Variants in SCN4A observed in about 807,000 individuals in gnomAD.
The protein encoded by SCN4A is sodium voltage-gated channel alpha subunit 4.
A neutral mutation model predicts 162.0 loss-of-function variants in SCN4A; 83 were observed. That is an observed-to-expected ratio of 0.51 (90% confidence interval 0.43 to 0.61). The LOEUF (loss-of-function observed/expected upper bound fraction) is 0.61. Among genes scored for constraint, SCN4A ranks in the 20% least tolerant of loss-of-function variants. SCN4A has a pLI of 0.00. For missense variants in SCN4A, 2,196 were observed against 2,462.5 expected (o/e 0.89, Z 2.29); for synonymous variants, 944 against 985.1 (o/e 0.96, Z 0.78).
intron 7 of SCN4A, 21 bp downstream of exon 7, chr17:63,966,460 G>C (rs751664539): frequency 1.2e-6 from 2 of 1,610,534 alleles, no homozygotes; most frequent in Admixed American, 1.7e-5. Context: ...TGCCTTTTCT[G>C]CATCCCTTAG....
chr17:63,972,679 G>T lies in SCN4A; in HGVS notation c.163C>A (p.Arg55=), dbSNP rs754070476. The part of the protein sequence containing the change: ...MEIEEPERKP[R]SDLEAGKNLP... ...TTCTTGCCAGCCTCCAAGTCACTTC[G>T]TGGCTTCCGTTCGGGCTCCTCAATC... The change falls in exon 1 of 24, where the codon CGA becomes AGA. Residue 55 remains arginine (R), a synonymous_variant. Coordinates refer to ENST00000435607, the MANE Select transcript of SCN4A (RefSeq NM_000334.4). This position sits in a 1 kb window ranked among gnomAD's most constrained non-coding sequence, Gnocchi z 4.3. 4.3e-6 allele frequency: 7 copies of T among 1,613,616 alleles called. No homozygotes were observed. Among genetic ancestry groups the T allele is most frequent in the South Asian group, 2.2e-5 (2 of 91,002 alleles).
Position 63,947,171 on chromosome 17 carries a change from CA to C in SCN4A, c.3319-5del. The C allele has an allele frequency of 6.2e-7, 1 of 1,613,142 alleles. No homozygotes were observed. The highest frequency in any genetic ancestry group is 8.5e-7 in the Non-Finnish European group (1 of 1,179,780). On this transcript the variant is annotated splice_polypyrimidine_tract_variant and splice_region_variant and intron_variant, in intron 17 of 23. Coordinates refer to ENST00000435607, the MANE Select transcript of SCN4A (RefSeq NM_000334.4). ...CCACCAAGCTGATGATGGAGACCTG[CA>C]GGGGAGGGGTGAGGGGATCAGTGCG... is the stretch of plus-strand genomic sequence containing the variant.
At chr17:63,964,723 C>A in intron 8 of SCN4A, 46 bp from the exon 9 acceptor site, 1 of 1,466,088 alleles carries the variant, frequency 6.8e-7, no homozygotes, top group Non-Finnish European at 9.4e-7. Context: ...TGACGTCCAC[C>A]TCCTTTGACC....
intron 5 of SCN4A, among the ~76,000 whole-genome samples, chr17:63,969,057 G>T (rs1909541055): frequency 6.6e-6 from 1 of 152,082 alleles, no homozygotes; most frequent in Non-Finnish European, 1.5e-5. Flanking sequence ...TGGACAGGCT[G>T]GTCTCGAACT....
rs1391865078 is a variant in SCN4A at position 63,947,128 on chromosome 17, A to G, written c.3358T>C (p.Ser1120Pro). 2.5e-6 allele frequency: 4 copies of G among 1,613,180 alleles called. No individual in the cohort carries two copies. The Admixed American group carries it at 6.7e-5, about 27-fold the overall frequency. Residue 1120 changes from serine (S) to proline (P), a missense_variant, in exon 18 of 24, where the codon TCG becomes CCG. Transcript: ENST00000435607. The part of the protein sequence containing the change: ...ISLVANWLGY[S>P]ELGPIKSLRT... ...AGGGATTTGATGGGTCCCAGCTCCG[A>G]GTAGCCCAGCCAGTTGGCCACCAAG... is the stretch of plus-strand genomic sequence containing the variant.
Position 63,966,472 on chromosome 17 carries a change from A to T in SCN4A, c.1100+9T>A. On this transcript the variant is annotated intron_variant, in intron 7 of 23. Coordinates refer to ENST00000435607, the MANE Select transcript of SCN4A (RefSeq NM_000334.4). ...GGGTGCCTTTTCTGCATCCCTTAGC[A>T]TCACTCACCCAGCATCACTGCTGTT... The T allele has an allele frequency of 6.2e-7, 1 of 1,613,158 alleles. No homozygotes were observed. Among genetic ancestry groups the T allele is most frequent in the Non-Finnish European group, 8.5e-7 (1 of 1,179,222 alleles).
intron 7 of SCN4A, 22 bp from the exon 8 acceptor site, chr17:63,966,265 G>T: frequency 7.5e-6 from 12 of 1,597,458 alleles, no homozygotes; most frequent in Non-Finnish European, 1.0e-5. Flanking sequence ...ACAGGGGGCT[G>T]GGTTTAGGGT....
chr17:63,944,296 C>T lies in SCN4A; in HGVS notation c.3912+377G>A, dbSNP rs997527300. On this transcript the variant is annotated intron_variant, in intron 21 of 23. Transcript: ENST00000435607. This position sits in a 1 kb window ranked among gnomAD's most constrained non-coding sequence, Gnocchi z 4.3. The stretch of plus-strand genomic sequence containing the variant: ...CTGGGATTACAGATGCCTGCCACCA[C>T]GCCTGGCTAATTTCTTTTTTTAATT... Among the ~76,000 whole-genome samples, 3 of 152,098 alleles carry T rather than the reference C, an allele frequency of 2.0e-5. No homozygotes were observed. Among genetic ancestry groups the T allele is most frequent in the Admixed American group, 6.5e-5 (1 of 15,274 alleles).
chr17:63,955,243 G>C (rs1437613517), intron 13 of SCN4A, among the ~76,000 whole-genome samples: 1 of 152,114 alleles, frequency 6.6e-6, no homozygotes, highest in African/African-American at 2.4e-5. Context: ...CTGTCTCATG[G>C]GGTGGCTGAG....
At chr17:63,967,996 C>G in intron 6 of SCN4A, 27 bp downstream of exon 6, 1 of 1,597,290 alleles carries the variant, frequency 6.3e-7, no homozygotes, top group South Asian at 1.1e-5. Flanking sequence ...CAGGATCCCC[C>G]TTGCCCGTCA....
chr17:63,972,279 G>A lies in SCN4A; in HGVS notation c.393-54C>T. 1 of 1,588,786 alleles carries A rather than the reference G, an allele frequency of 6.3e-7. No individual in the cohort carries two copies. On this transcript the variant is annotated intron_variant, in intron 2 of 23. Transcript: ENST00000435607. This position sits in a 1 kb window ranked among gnomAD's most constrained non-coding sequence, Gnocchi z 4.3. Reference sequence around the variant, plus strand: ...GCAGCTAGGATGGGAGGTGATAGAGGGTCTCCTGGGCCACAGCACCCCATC... The same window carrying A: ...GCAGCTAGGATGGGAGGTGATAGAGAGTCTCCTGGGCCACAGCACCCCATC...
Position 63,951,551 on chromosome 17 carries a change from A to G in SCN4A, c.2726T>C (p.Leu909Pro), listed in dbSNP as rs1373071979. 1.9e-6 allele frequency: 3 copies of G among 1,614,006 alleles called. No individual in the cohort carries two copies. Among genetic ancestry groups the G allele is most frequent in the Non-Finnish European group, 2.5e-6 (3 of 1,179,892 alleles). Residue 909 changes from leucine (L) to proline (P), a missense_variant, in exon 14 of 24, where the codon CTG becomes CCG. Coordinates refer to ENST00000435607, the MANE Select transcript of SCN4A (RefSeq NM_000334.4). This position sits in a 1 kb window ranked among gnomAD's most constrained non-coding sequence, Gnocchi z 4.5. Reference sequence around the variant, plus strand: ...GTTGTTGATGAAGTTAAGGTGGTCCAGCTCGAGGCTGGATGGGGGGCCGTC... The same window carrying G: ...GTTGTTGATGAAGTTAAGGTGGTCCGGCTCGAGGCTGGATGGGGGGCCGTC... The part of the protein sequence containing the change: ...LADGPPSSLE[L>P]DHLNFINNPY...
chr17:63,962,500 G>A (rs1447167729), intron 10 of SCN4A, among the ~76,000 whole-genome samples: 6 of 152,154 alleles, frequency 3.9e-5, no homozygotes, highest in Admixed American at 2.6e-4. Context: ...GGACACATTC[G>A]GAGTGTCCTT....
Position 63,947,262 on chromosome 17 carries a change from G to A in SCN4A, c.3319-95C>T, listed in dbSNP as rs1336919732. On this transcript the variant is annotated intron_variant, in intron 17 of 23. Coordinates refer to ENST00000435607, the MANE Select transcript of SCN4A (RefSeq NM_000334.4). ...GGTCTTCCTGGACTCACAGCTCCTGGTTGTCTCCCTTAGATCCCCTCCCTA... is the reference window on the plus strand; with the variant it reads ...GGTCTTCCTGGACTCACAGCTCCTGATTGTCTCCCTTAGATCCCCTCCCTA... The A allele has an allele frequency of 3.3e-6, 5 of 1,512,752 alleles. No individual in the cohort carries two copies. The African/African-American group carries it at 5.5e-5, about 17-fold the overall frequency. 93.7% of individuals were successfully genotyped at this position (1,512,752 alleles called of 1,614,324 possible).
At chr17:63,971,106 C>T (rs577376181) in intron 5 of SCN4A, 56 bp downstream of exon 5, 54 of 1,145,768 alleles carry the variant, frequency 4.7e-5, no homozygotes, top group Admixed American at 3.6e-4. Context: ...TCCAGGCCTG[C>T]ACATGGTACG....
At chr17:63,959,859 G>A (rs1402389085) in intron 11 of SCN4A, among the ~76,000 whole-genome samples, 1 of 152,086 alleles carries the variant, frequency 6.6e-6, no homozygotes, top group African/African-American at 2.4e-5. Context: ...AGCTAGCTGG[G>A]CAGCTAGCTG....
At chr17:63,958,153 T>C (rs1158613662) in intron 12 of SCN4A, among the ~76,000 whole-genome samples, 1 of 152,090 alleles carries the variant, frequency 6.6e-6, no homozygotes, top group African/African-American at 2.4e-5. Context: ...GTGCATCACT[T>C]GAGCCTAGGA....
chr17:63,972,278 G>A lies in SCN4A; in HGVS notation c.393-53C>T, dbSNP rs949972868. ...AGCAGCTAGGATGGGAGGTGATAGA[G>A]GGTCTCCTGGGCCACAGCACCCCAT... On this transcript the variant is annotated intron_variant, in intron 2 of 23. Coordinates refer to ENST00000435607, the MANE Select transcript of SCN4A (RefSeq NM_000334.4). The surrounding 1 kb of genome is among the most constrained non-coding windows in gnomAD (Gnocchi z 4.3). 1.3e-6 allele frequency: 2 copies of A among 1,588,600 alleles called. No homozygotes were observed. The highest frequency in any genetic ancestry group is 1.7e-6 in the Non-Finnish European group (2 of 1,160,864).
At chr17:63,961,084 G>A (rs559767006) in intron 11 of SCN4A, 109 bp downstream of exon 11, 2 of 455,822 alleles carry the variant, frequency 4.4e-6, no homozygotes, top group South Asian at 5.4e-5. Flanking sequence ...CCAGCTGTCC[G>A]CATGTGTCCC....
Sources: gnomAD v4.1 joint callset for allele counts (sites outside exome capture counted in the v4.1 genomes callset) on GRCh38, gnomAD v4.1.1 for gene constraint, Gnocchi (gnomAD v3.1) non-coding constraint, MANE v1.5 for transcripts, NCBI Gene and HGNC (gene_info 2026-07-23, HGNC 2026-07-21) for gene names.